Variants in TMEM178A observed in about 807,000 individuals in gnomAD.
TMEM178A encodes the protein transmembrane protein 178A.
Under a neutral mutation model 29.1 loss-of-function variants are expected in TMEM178A, and 12 were observed. The observed-to-expected ratio is 0.41, with a 90% CI of 0.26 to 0.67. TMEM178A has a LOEUF of 0.67. TMEM178A is among the 30% of genes least tolerant of loss of function. The pLI, the probability that TMEM178A is intolerant of heterozygous loss-of-function variation, is 0.29. For synonymous variants in TMEM178A, 210 were observed against 187.2 expected (o/e 1.12, Z -0.99); for missense variants, 366 against 419.1 (o/e 0.87, Z 1.11).
chr2:39,715,475 T>G (rs1164357550), intron 3 of TMEM178A, among the ~76,000 whole-genome samples: 1 of 152,236 alleles, frequency 6.6e-6, no homozygotes, highest in Non-Finnish European at 1.5e-5. Flanking sequence ...GTATTCTTTT[T>G]TGAATGGCCC....
intron 1 of TMEM178A, among the ~76,000 whole-genome samples, chr2:39,680,449 A>G (rs528596921): frequency 2.0e-5 from 3 of 152,228 alleles, no homozygotes; most frequent in Non-Finnish European, 4.4e-5. Context: ...TTCCTGAGGG[A>G]TTCAAAGGAG....
chr2:39,706,069 A>G (rs956470644), intron 2 of TMEM178A, among the ~76,000 whole-genome samples: 1 of 152,256 alleles, frequency 6.6e-6, no homozygotes, highest in African/African-American at 2.4e-5. Context: ...GAAAATAGAA[A>G]AAGTAAAATA....
At chr2:39,707,859 G>GCACAACCCTCT (rs1348942512) in intron 3 of TMEM178A, among the ~76,000 whole-genome samples, 1 of 152,196 alleles carries the variant, frequency 6.6e-6, no homozygotes, top group Non-Finnish European at 1.5e-5. Flanking sequence ...AAGACAGAGG[G>GCACAACCCTCT]GGATAGATCA....
chr2:39,730,098 C>G, the TMEM178A span, among the ~76,000 whole-genome samples: 1 of 152,180 alleles, frequency 6.6e-6, no homozygotes, highest in African/African-American at 2.4e-5. Context: ...CCACATAATT[C>G]AACCTGTTTA....
At chr2:39,712,662 CCTCTCT>C (rs61349730) in intron 3 of TMEM178A, among the ~76,000 whole-genome samples, 2 of 148,386 alleles carry the variant, frequency 1.3e-5, no homozygotes, top group African/African-American at 2.5e-5. Flanking sequence ...GACTCAGGAA[CCTCTCT>C]CTCTCTCTCT....
At chr2:39,692,830 A>G (rs932885587) in intron 1 of TMEM178A, among the ~76,000 whole-genome samples, 2 of 152,240 alleles carry the variant, frequency 1.3e-5, no homozygotes, top group African/African-American at 4.8e-5. Flanking sequence ...GTCACACAGC[A>G]TGTCCTGAAA....
intron 1 of TMEM178A, among the ~76,000 whole-genome samples, chr2:39,694,134 A>G (rs982057996): frequency 1.4e-5 from 2 of 147,290 alleles, no homozygotes; most frequent in African/African-American, 5.0e-5. Context: ...ATTTGTTCAG[A>G]TAAAAAAAGT....
chr2:39,729,804 C>A, the TMEM178A span, among the ~76,000 whole-genome samples: 1 of 152,162 alleles, frequency 6.6e-6, no homozygotes, highest in Non-Finnish European at 1.5e-5. Context: ...TGGATATTCT[C>A]CTCTTTTGCT....
At chr2:39,667,086 C>T (rs1265623932) in intron 1 of TMEM178A, among the ~76,000 whole-genome samples, 2 of 152,220 alleles carry the variant, frequency 1.3e-5, no homozygotes, top group Non-Finnish European at 2.9e-5. Context: ...TTCCAACCTT[C>T]CTGAGGACCC....
chr2:39,704,188 C>G lies in TMEM178A; in HGVS notation c.508C>G (p.Leu170Val), dbSNP rs756914819. ...GACCATACAGCAAGATGAGTGGCAC[C>G]TGCTTCGTAAGTATTTCCAGGAGAG... ...TKTIQQDEWH[L>V]LHLRRITAGF... Residue 170 changes from leucine (L) to valine (V), a missense_variant, in exon 2 of 4, where the codon CTG becomes GTG. Around this residue, in one of 2 missense-constraint regions of TMEM178A, gnomAD observed 119 missense variants for 172.2 expected, o/e 0.69. Transcript: ENST00000281961. The G allele has an allele frequency of 6.2e-7, 1 of 1,613,692 alleles. No individual in the cohort carries two copies. Among genetic ancestry groups the G allele is most frequent in the East Asian group, 2.2e-5 (1 of 44,884 alleles).
intron 1 of TMEM178A, among the ~76,000 whole-genome samples, chr2:39,681,383 C>A (rs1016075731): frequency 1.4e-4 from 21 of 152,178 alleles, no homozygotes; most frequent in Admixed American, 4.6e-4. Flanking sequence ...AGGTATTGAG[C>A]ATACCACCTC....
intron 1 of TMEM178A, among the ~76,000 whole-genome samples, chr2:39,685,703 C>A (rs1671047778): frequency 6.6e-6 from 1 of 152,158 alleles, no homozygotes; most frequent in African/African-American, 2.4e-5. Flanking sequence ...ACTTGGAATT[C>A]CAATGAGATA....
At chr2:39,710,957 C>G (rs1672274194) in intron 3 of TMEM178A, among the ~76,000 whole-genome samples, 1 of 152,230 alleles carries the variant, frequency 6.6e-6, no homozygotes, top group Non-Finnish European at 1.5e-5. Context: ...TTGATTACCA[C>G]ATGTTACACA....
chr2:39,723,336 T>G, the TMEM178A span, among the ~76,000 whole-genome samples: 3 of 152,182 alleles, frequency 2.0e-5, no homozygotes, highest in Non-Finnish European at 4.4e-5. Context: ...CTGAATAAAT[T>G]GTTGAAGTTT....
intron 1 of TMEM178A, among the ~76,000 whole-genome samples, chr2:39,702,530 T>C (rs1313340296): frequency 6.6e-6 from 1 of 152,128 alleles, no homozygotes; most frequent in Non-Finnish European, 1.5e-5. Flanking sequence ...CCTTTATCTG[T>C]CATTGTTCTC....
intron 1 of TMEM178A, among the ~76,000 whole-genome samples, chr2:39,669,592 G>A (rs1486473690): frequency 6.6e-6 from 1 of 152,176 alleles, no homozygotes; most frequent in Non-Finnish European, 1.5e-5. Flanking sequence ...GAATGGTCTA[G>A]GCTTGACGTT....
At chr2:39,706,392 T>C (rs1357125317) in intron 2 of TMEM178A, among the ~76,000 whole-genome samples, 1 of 152,148 alleles carries the variant, frequency 6.6e-6, no homozygotes, top group Non-Finnish European at 1.5e-5. Context: ...GAGGAAAGGG[T>C]GTTTATGAGC....
rs116752808 is a variant in TMEM178A, at chr2:39,675,165, G to A, written c.400+8791G>A. Among the ~76,000 whole-genome samples, 202 of 152,200 alleles carry A rather than the reference G, an allele frequency of 1.3e-3. 1 individual carries two copies. The highest frequency in any genetic ancestry group is 4.7e-3 in the African/African-American group (196 of 41,516). On this transcript the variant is annotated intron_variant, in intron 1 of 3. Transcript: ENST00000281961. ...AGAATATATTGCTTGGAAGGAGTAG[G>A]CCCTTTGATTTTTGTATAGAAGATG... is the stretch of plus-strand genomic sequence containing the variant.
At chr2:39,669,279 A>G (rs920471241) in intron 1 of TMEM178A, among the ~76,000 whole-genome samples, 6 of 152,180 alleles carry the variant, frequency 3.9e-5, no homozygotes, top group Admixed American at 2.6e-4. Context: ...AGGGAAGAAA[A>G]TGTAGAGTTG....
Sources: allele counts gnomAD v4.1 joint callset (sites outside exome capture counted in the v4.1 genomes callset), GRCh38; gene constraint gnomAD v4.1.1; regional missense constraint gnomAD v4.1.1; transcripts MANE v1.5; gene names NCBI Gene and HGNC (gene_info 2026-07-23, HGNC 2026-07-21).